SUPT16H: variants seen among roughly 807,000 people sequenced by gnomAD.
SUPT16H encodes FACT complex subunit SPT16.
Under a neutral mutation model 136.2 loss-of-function variants are expected in SUPT16H, and 24 were observed. The ratio of observed to expected loss-of-function variants is 0.18; its 90% CI spans 0.13 to 0.25. SUPT16H has a LOEUF of 0.25. Ranked by LOEUF, SUPT16H falls within the 10% of genes least tolerant of loss-of-function variation. The pLI is 1.00. For missense variants in SUPT16H, 623 were observed against 1,270.2 expected (o/e 0.49, Z 7.74); for synonymous variants, 415 against 428.2 (o/e 0.97, Z 0.38).
intron 1 of SUPT16H, among the ~76,000 whole-genome samples, chr14:21,374,199 CT>C: frequency 6.6e-6 from 1 of 152,318 alleles, no homozygotes; most frequent in African/African-American, 2.4e-5. Context: ...AAAATGAACA[CT>C]TCAACAACAT....
intron 1 of SUPT16H, among the ~76,000 whole-genome samples, chr14:21,381,490 T>C (rs1281046276): frequency 6.6e-6 from 1 of 152,116 alleles, no homozygotes; most frequent in Non-Finnish European, 1.5e-5. Flanking sequence ...TAAGGGCTTA[T>C]AATCAAGAGT....
At position 21,363,223 on chromosome 14, in the gene SUPT16H, G is replaced by A. The variant is rs374008364; in HGVS notation, c.1395+10C>T. 3.7e-6 allele frequency: 6 copies of A among 1,613,938 alleles called. No homozygotes were observed. In the African/African-American group the frequency reaches 6.7e-5, roughly 18 times the overall value. On this transcript the variant is annotated intron_variant, in intron 12 of 25. Coordinates refer to ENST00000216297, the MANE Select transcript of SUPT16H (RefSeq NM_007192.4). ...GCCGAGATCAATGTAATTTAAAATA[G>A]TAAACTTACTCTTGTTCTTTCTGTA...
In SUPT16H at chr14:21,363,118, G is replaced by A. The variant is rs753105637; in HGVS notation, c.1427C>T (p.Ala476Val). The A allele has an allele frequency of 6.2e-7, 1 of 1,613,684 alleles. No homozygotes were observed. The highest frequency in any genetic ancestry group is 8.5e-7 in the Non-Finnish European group (1 of 1,180,014). Residue 476 changes from alanine to valine, a missense_variant, in exon 13 of 26, where the codon GCA becomes GTA. By Grantham distance (64) the Ala-to-Val change is moderately conservative. This residue lies in a region of SUPT16H where 30 missense variants were observed against 44.8 expected (regional missense o/e 0.67). Transcript: ENST00000216297. Reference protein sequence around the residue: ...NEMTAEEKRRAHQKELAAQLN... With the variant: ...NEMTAEEKRRVHQKELAAQLN... ...TTGAGCCGCTAGTTCTTTCTGATGTGCTCTTCGCTTCTCTTCTGCAGTCAT... is the reference window on the plus strand; with the variant it reads ...TTGAGCCGCTAGTTCTTTCTGATGTACTCTTCGCTTCTCTTCTGCAGTCAT...
intron 2 of SUPT16H, chr14:21,372,370 C>T (rs937065985): frequency 1.9e-5 from 6 of 311,692 alleles, no homozygotes; most frequent in African/African-American, 6.5e-5. Context: ...ATGCATAAAA[C>T]AAGGGACAGA....
At position 21,363,310 on chromosome 14, in the gene SUPT16H, C is replaced by G. The variant is rs373644416; in HGVS notation, c.1318G>C (p.Glu440Gln). ...IFLKNEDEEE[E>Q]EEEKDEAEDL... ...TCTGCCTCATCTTTCTCCTCCTCCT[C>G]TTCTTCCTCATCTTCATTCTATGGA... The change falls in exon 12 of 26, where the codon GAG becomes CAG. Residue 440 changes from glutamate to glutamine, a missense_variant. Glu to Gln is a conservative substitution (Grantham distance 29, BLOSUM62 2). Around this residue, in one of 7 missense-constraint regions of SUPT16H, gnomAD observed 343 missense variants for 525.7 expected, o/e 0.65. Coordinates refer to ENST00000216297, the MANE Select transcript of SUPT16H (RefSeq NM_007192.4). 3.1e-6 allele frequency: 5 copies of G among 1,610,486 alleles called. No individual in the cohort carries two copies. The East Asian group carries it at 1.1e-4, about 36-fold the overall frequency.
At chr14:21,381,309 T>C (rs976079129) in intron 1 of SUPT16H, among the ~76,000 whole-genome samples, 2 of 152,202 alleles carry the variant, frequency 1.3e-5, no homozygotes, top group African/African-American at 4.8e-5. Flanking sequence ...TTATTTGCAA[T>C]AGCCTCAAAA....
chr14:21,359,756 G>A, intron 18 of SUPT16H, 147 bp from the exon 19 acceptor site: 1 of 923,662 alleles, frequency 1.1e-6, no homozygotes, highest in Non-Finnish European at 1.6e-6. Flanking sequence ...AATGATGCTT[G>A]GGAATGGAAA....
Position 21,361,115 on chromosome 14 carries a change from C to T in SUPT16H, c.1892G>A (p.Arg631His), listed in dbSNP as rs1232266295. Residue 631 changes from arginine (R) to histidine (H), a missense_variant, in exon 16 of 26, where the codon CGT (arginine) becomes CAT (histidine). This residue lies in a region of SUPT16H where 62 missense variants were observed against 200.5 expected (regional missense o/e 0.31). Transcript: ENST00000216297. ...AFRIIKEVQK[R>H]YKTREAEEKE... is the part of the protein sequence containing the mutation. ...CTCTTCAGCTTCTCGAGTTTTATAA[C>T]GTTTCTGTACTTCTTTAATAATTCG... is the stretch of plus-strand genomic sequence containing the variant. 3 of 1,613,930 alleles carry T rather than the reference C, an allele frequency of 1.9e-6. No individual in the cohort carries two copies. The highest frequency in any genetic ancestry group is 2.2e-5 in the East Asian group (1 of 44,892).
In SUPT16H at chr14:21,365,119, A is replaced by C; in HGVS notation, c.1071T>G (p.Arg357=). The C allele has an allele frequency of 6.2e-7, 1 of 1,613,870 alleles. No individual in the cohort carries two copies. Among genetic ancestry groups the C allele is most frequent in the African/African-American group, 1.3e-5 (1 of 75,052 alleles). ...NLGFGMGIEF[R]EGSLVINSKN... ...TGCTATTGATTACTAGGGAGCCTTCACGGAATTCAATTCCCATCCCAAACC... is the reference window on the plus strand; with the variant it reads ...TGCTATTGATTACTAGGGAGCCTTCCCGGAATTCAATTCCCATCCCAAACC... The change falls in exon 9 of 26, where the codon CGT becomes CGG. Residue 357 remains arginine (R), a synonymous_variant. Coordinates refer to ENST00000216297, the MANE Select transcript of SUPT16H (RefSeq NM_007192.4).
intron 2 of SUPT16H, chr14:21,372,525 T>C (rs1886808648): frequency 6.3e-6 from 2 of 316,272 alleles, no homozygotes; most frequent in African/African-American, 2.2e-5. Flanking sequence ...AGGTAAAAAA[T>C]GGTAGTGTGT....
At chr14:21,376,403 A>G (rs188441833) in intron 1 of SUPT16H, among the ~76,000 whole-genome samples, 10 of 152,284 alleles carry the variant, frequency 6.6e-5, no homozygotes, top group Admixed American at 5.2e-4. Context: ...ATAAATGCAT[A>G]CATAAGACTC....
In SUPT16H at chr14:21,357,919, ACACT is replaced by A. The variant is rs1196671493; in HGVS notation, c.2490+4_2490+7del. The A allele has an allele frequency of 1.2e-6, 2 of 1,612,058 alleles. No homozygotes were observed. The highest frequency in any genetic ancestry group is 2.2e-5 in the East Asian group (1 of 44,830). Reference sequence around the variant, plus strand: ...TTTTCTTACTAAAAGAAAGTAAGAAACACTCACCCATTCCGTAGCATTTACCAGC... The same window carrying A: ...TTTTCTTACTAAAAGAAAGTAAGAAACACCCATTCCGTAGCATTTACCAGC... On this transcript the variant is annotated splice_donor_5th_base_variant and intron_variant, in intron 21 of 25. Transcript: ENST00000216297.
At chr14:21,379,441 G>GAAA (rs35245464) in intron 1 of SUPT16H, among the ~76,000 whole-genome samples, 11 of 133,818 alleles carry the variant, frequency 8.2e-5, no homozygotes, top group Admixed American at 1.5e-4. Flanking sequence ...CTCAAAAAAA[G>GAAA]AAAAAAAAAA....
intron 8 of SUPT16H, among the ~76,000 whole-genome samples, chr14:21,365,723 T>C (rs1387004012): frequency 1.3e-4 from 19 of 151,970 alleles, no homozygotes; most frequent in Admixed American, 1.2e-3. Flanking sequence ...GAGAAATGTA[T>C]AAAATACATT....
intron 10 of SUPT16H, among the ~76,000 whole-genome samples, chr14:21,364,423 G>A (rs1019964166): frequency 5.9e-5 from 9 of 152,166 alleles, no homozygotes; most frequent in African/African-American, 2.2e-4. Flanking sequence ...CTGAGGTGAT[G>A]AAAATATTTT....
At chr14:21,366,561 T>C in intron 7 of SUPT16H, 32 bp from the exon 8 acceptor site, 36 of 1,587,250 alleles carry the variant, frequency 2.3e-5, no homozygotes, top group Non-Finnish European at 3.0e-5. Flanking sequence ...GATATTAAAG[T>C]ATCTTTTAGG....
intron 2 of SUPT16H, among the ~76,000 whole-genome samples, chr14:21,372,898 T>C (rs1428674912): frequency 1.3e-5 from 2 of 152,192 alleles, no homozygotes; most frequent in Non-Finnish European, 2.9e-5. Context: ...CAATATGGGG[T>C]AGCCACTGCT....
chr14:21,352,734 C>T lies in SUPT16H; in HGVS notation c.3083G>A (p.Gly1028Asp). 1 of 1,614,070 alleles carries T rather than the reference C, an allele frequency of 6.2e-7. No homozygotes were observed. ...TCTGGAACCACGGTTAGAGCCACGG[C>T]CCGAACTGTGCACAGATGCCTTCCT... ...RKRKASVHSS[G>D]RGSNRGSRHS... Residue 1028 changes from glycine (G) to aspartate (D), a missense_variant, in exon 26 of 26, where the codon GGC (glycine) becomes GAC (aspartate). Physicochemically the swap from Gly to Asp is moderately conservative, Grantham distance 94 (BLOSUM62 -1). Transcript: ENST00000216297.
At chr14:21,362,080 A>C in intron 15 of SUPT16H, 117 bp downstream of exon 15, 1 of 1,278,888 alleles carries the variant, frequency 7.8e-7, no homozygotes, top group Non-Finnish European at 1.1e-6. Context: ...ACAAGTACCA[A>C]TGAGGAAGGC....
Sources: allele counts gnomAD v4.1 joint callset (sites outside exome capture counted in the v4.1 genomes callset), GRCh38; gene constraint gnomAD v4.1.1; regional missense constraint gnomAD v4.1.1; transcripts MANE v1.5; gene names NCBI Gene and HGNC (gene_info 2026-07-23, HGNC 2026-07-21).